Variants in B3GALT1 observed in about 807,000 individuals in gnomAD.
B3GALT1 encodes UDP-Gal:betaGlcNAc beta 1,3-galactosyltransferase, polypeptide 1.
A neutral mutation model predicts 23.2 loss-of-function variants in B3GALT1; 10 were observed. The observed-to-expected ratio is 0.43, with a 90% CI of 0.27 to 0.73. The LOEUF is 0.73. Ranked by LOEUF, B3GALT1 falls within the 30% of genes least tolerant of loss-of-function variation. The pLI, the probability that B3GALT1 is intolerant of heterozygous loss-of-function variation, is 0.21. For missense variants in B3GALT1, 299 were observed against 405.4 expected (o/e 0.74, Z 2.25); for synonymous variants, 156 against 141.5 (o/e 1.10, Z -0.73).
intron 1 of B3GALT1, among the ~76,000 whole-genome samples, chr2:167,437,936 T>C (rs1409860868): frequency 6.6e-6 from 1 of 152,176 alleles, no homozygotes; most frequent in African/African-American, 2.4e-5. Flanking sequence ...GGTAGACCCA[T>C]TGACCCCAAT....
At chr2:167,312,535 G>C (rs907494541) in intron 1 of B3GALT1, among the ~76,000 whole-genome samples, 18 of 151,918 alleles carry the variant, frequency 1.2e-4, no homozygotes, top group African/African-American at 4.3e-4. Flanking sequence ...AAAACCGAGA[G>C]AAACTGTAAC....
chr2:167,542,051 CTATT>C (rs1431048959), intron 2 of B3GALT1, among the ~76,000 whole-genome samples: 22 of 152,002 alleles, frequency 1.4e-4, no homozygotes, highest in Non-Finnish European at 1.2e-4. Flanking sequence ...CCTTCTGAAC[CTATT>C]TATTTATTTA....
chr2:167,513,346 A>G (rs1290320870), intron 2 of B3GALT1, among the ~76,000 whole-genome samples: 2 of 152,162 alleles, frequency 1.3e-5, no homozygotes, highest in Non-Finnish European at 2.9e-5. Context: ...TTGTAACTGT[A>G]CTTTGTAAAA....
chr2:167,744,108 G>T (rs1687616655), intron 3 of B3GALT1, among the ~76,000 whole-genome samples: 1 of 151,990 alleles, frequency 6.6e-6, no homozygotes. Context: ...TATTTGAATT[G>T]CAGTCAGAGA....
intron 3 of B3GALT1, among the ~76,000 whole-genome samples, chr2:167,811,328 T>C (rs1296083922): frequency 1.3e-5 from 2 of 152,242 alleles, no homozygotes; most frequent in East Asian, 1.9e-4. Context: ...ATTTCTAAAC[T>C]GATTTATCTC....
intron 2 of B3GALT1, among the ~76,000 whole-genome samples, chr2:167,615,419 T>C (rs573839828): frequency 6.6e-6 from 1 of 151,954 alleles, no homozygotes; most frequent in African/African-American, 2.4e-5. Flanking sequence ...TGGGGAGATA[T>C]TGGTCAAAGG....
At chr2:167,665,812 C>A (rs1214053262) in intron 3 of B3GALT1, among the ~76,000 whole-genome samples, 2 of 152,032 alleles carry the variant, frequency 1.3e-5, no homozygotes, top group Non-Finnish European at 2.9e-5. Context: ...TGGTGATATC[C>A]TCTTTATCAT....
chr2:167,535,251 A>T (rs73026016), intron 2 of B3GALT1, among the ~76,000 whole-genome samples: 1,674 of 152,286 alleles, frequency 0.011, 28 homozygotes, highest in African/African-American at 0.038. Flanking sequence ...ATGAGTGTGC[A>T]ATAAGGCTGA....
At chr2:167,679,406 A>G (rs969630475) in intron 3 of B3GALT1, among the ~76,000 whole-genome samples, 7 of 152,058 alleles carry the variant, frequency 4.6e-5, no homozygotes. Context: ...GGCATGTGCC[A>G]CCACACCTGG....
At chr2:167,759,988 C>T (rs896044428) in intron 3 of B3GALT1, among the ~76,000 whole-genome samples, 1 of 152,130 alleles carries the variant, frequency 6.6e-6, no homozygotes, top group African/African-American at 2.4e-5. Flanking sequence ...ATGAAAAATA[C>T]ATGACTATGG....
chr2:167,813,358 T>C (rs1049803312), intron 3 of B3GALT1, among the ~76,000 whole-genome samples: 1 of 152,222 alleles, frequency 6.6e-6, no homozygotes, highest in Admixed American at 6.5e-5. Context: ...CTGTCTTCTT[T>C]GATGCTTGTT....
intron 1 of B3GALT1, among the ~76,000 whole-genome samples, chr2:167,446,537 A>G (rs1014795234): frequency 6.6e-6 from 1 of 152,092 alleles, no homozygotes; most frequent in Admixed American, 6.5e-5. Flanking sequence ...ACATGGTCCC[A>G]TATTTCTTGG....
At chr2:167,337,309 A>G (rs891750678) in intron 1 of B3GALT1, among the ~76,000 whole-genome samples, 1 of 152,044 alleles carries the variant, frequency 6.6e-6, no homozygotes, top group African/African-American at 2.4e-5. Flanking sequence ...GAGAGAGAAT[A>G]TCCGTCTGTC....
intron 2 of B3GALT1, among the ~76,000 whole-genome samples, chr2:167,523,911 T>C (rs1683174336): frequency 6.6e-6 from 1 of 152,210 alleles, no homozygotes; most frequent in East Asian, 1.9e-4. Context: ...GGAGCATTAT[T>C]TCTTTTATCA....
intron 2 of B3GALT1, among the ~76,000 whole-genome samples, chr2:167,501,354 C>G (rs1404875074): frequency 6.6e-6 from 1 of 151,676 alleles, no homozygotes; most frequent in Non-Finnish European, 1.5e-5. Flanking sequence ...ATTAATATCA[C>G]TTTATAATTT....
At chr2:167,362,071 C>G (rs1175632142) in intron 1 of B3GALT1, among the ~76,000 whole-genome samples, 1 of 152,042 alleles carries the variant, frequency 6.6e-6, no homozygotes, top group Non-Finnish European at 1.5e-5. Flanking sequence ...GAGACTCCAT[C>G]TCAAAAAACA....
intron 1 of B3GALT1, among the ~76,000 whole-genome samples, chr2:167,364,337 TA>T (rs1697550341): frequency 4.2e-5 from 2 of 47,758 alleles, no homozygotes; most frequent in Non-Finnish European, 8.4e-5. Flanking sequence ...TATATATATA[TA>T]GTTTTTTTTT....
At chr2:167,466,463 C>G (rs1194194917) in intron 1 of B3GALT1, among the ~76,000 whole-genome samples, 2 of 151,022 alleles carry the variant, frequency 1.3e-5, no homozygotes, top group African/African-American at 4.9e-5. Context: ...ACTAAAAATA[C>G]AAAAAACTTA....
intron 3 of B3GALT1, among the ~76,000 whole-genome samples, chr2:167,806,122 C>T (rs1688747246): frequency 6.6e-6 from 1 of 152,142 alleles, no homozygotes; most frequent in African/African-American, 2.4e-5. Flanking sequence ...TTATTTGGCT[C>T]TCTGTTTGTC....
Sources: allele counts gnomAD v4.1 joint callset (sites outside exome capture counted in the v4.1 genomes callset), GRCh38; gene constraint gnomAD v4.1.1; transcripts MANE v1.5; gene names NCBI Gene and HGNC (gene_info 2026-07-23, HGNC 2026-07-21).